Variants in MPI observed in about 807,000 individuals in gnomAD.
The protein encoded by MPI is mannose-6-phosphate isomerase.
MPI carries 33 observed loss-of-function variants against 40.1 expected under a neutral mutation model. The observed-to-expected ratio is 0.82, with a 90% CI of 0.62 to 1.10. MPI has a LOEUF of 1.10. Among genes scored for constraint, MPI ranks in the 50% least tolerant of loss-of-function variants. MPI has a pLI of 0.00. For synonymous variants in MPI, 187 were observed against 207.4 expected (o/e 0.90, Z 0.85); for missense variants, 514 against 524.1 (o/e 0.98, Z 0.19).
Position 74,898,357 on chromosome 15 carries a change from G to GA in MPI, c.*627_*628insA. 5.6e-6 allele frequency: 1 copy of GA among 177,420 alleles called. No individual in the cohort carries two copies. Among genetic ancestry groups the GA allele is most frequent in the Admixed American group, 5.4e-5 (1 of 18,638 alleles). The allele number at this position is 177,420 out of a possible 1,614,324, so 11.0% of individuals were successfully genotyped here. A position where few individuals can be genotyped will look rare whatever the true frequency, so the allele number is the denominator to read the frequency against. ...ATACAGCTTCTCGGGGGAGTGAGCA[G>GA]GCTACACTCCAGAACACCGGTATGG... On this transcript the variant is annotated 3_prime_UTR_variant, in exon 8 of 8. Coordinates refer to ENST00000352410, the MANE Select transcript of MPI (RefSeq NM_002435.3).
chr15:74,894,143 G>C (rs2064780884), intron 5 of MPI, among the ~76,000 whole-genome samples: 1 of 121,648 alleles, frequency 8.2e-6, no homozygotes. Flanking sequence ...GAGTGCAGTG[G>C]TGCGATCTTG....
chr15:74,894,903 G>T (rs968895284), intron 5 of MPI, among the ~76,000 whole-genome samples: 5 of 152,108 alleles, frequency 3.3e-5, no homozygotes, highest in African/African-American at 1.2e-4. Flanking sequence ...ACACATTTTG[G>T]CCCTCAGCGC....
rs929819260 is a variant in MPI at position 74,897,994 on chromosome 15, G to A, written c.*264G>A. On this transcript the variant is annotated 3_prime_UTR_variant, in exon 8 of 8. Coordinates refer to ENST00000352410, the MANE Select transcript of MPI (RefSeq NM_002435.3). The stretch of plus-strand genomic sequence containing the variant: ...CTACTCCTCGCTACACCTGAGCCAG[G>A]CTCTTGCCAACTCTGTTCCAGCCTA... 3 of 528,104 alleles carry A rather than the reference G, an allele frequency of 5.7e-6. No homozygotes were observed. Among genetic ancestry groups the A allele is most frequent in the Non-Finnish European group, 1.0e-5 (3 of 287,518 alleles). The allele number at this position is 528,104 out of a possible 1,614,324, so 32.7% of individuals were successfully genotyped here. A position where few individuals can be genotyped will look rare whatever the true frequency, so the allele number is the denominator to read the frequency against.
chr15:74,896,352 C>T, intron 6 of MPI, 27 bp downstream of exon 6: 1 of 1,613,444 alleles, frequency 6.2e-7, no homozygotes, highest in Non-Finnish European at 8.5e-7. Context: ...CAGTGAGCCC[C>T]ACTGCCATCC....
chr15:74,895,090 C>T (rs931822696), intron 5 of MPI, among the ~76,000 whole-genome samples: 6 of 149,592 alleles, frequency 4.0e-5, no homozygotes, highest in Admixed American at 1.3e-4. Context: ...CTCAGCCTCC[C>T]GAGTAGCTGG....
At chr15:74,890,440 A>C (rs910799976) in intron 1 of MPI, 87 bp from the exon 2 acceptor site, 8 of 1,574,112 alleles carry the variant, frequency 5.1e-6, no homozygotes, top group Non-Finnish European at 7.0e-6. Flanking sequence ...GTCCCCAGTG[A>C]GCACCCCCAG....
Position 74,896,287 on chromosome 15 carries a change from T to C in MPI, c.806T>C (p.Phe269Ser). Reference sequence around the variant, plus strand: ...ACCCTGAAGCCTGGGGAGGCCATGTTTCTGGAGGCCAACGTACCCCATGCC... The same window carrying C: ...ACCCTGAAGCCTGGGGAGGCCATGTCTCTGGAGGCCAACGTACCCCATGCC... ...LLTLKPGEAM[F>S]LEANVPHAYL... is the part of the protein sequence containing the mutation. The change falls in exon 6 of 8, where the codon TTT becomes TCT. Residue 269 changes from phenylalanine (F) to serine (S), a missense_variant. Coordinates refer to ENST00000352410, the MANE Select transcript of MPI (RefSeq NM_002435.3). 6.2e-7 allele frequency: 1 copy of C among 1,614,176 alleles called. No homozygotes were observed. The highest frequency in any genetic ancestry group is 8.5e-7 in the Non-Finnish European group (1 of 1,180,024).
At position 74,900,401 on chromosome 15, in the gene MPI, T is replaced by G. The variant is rs1231416708; in HGVS notation, c.*2671T>G. 1 of 152,264 alleles carries G rather than the reference T, an allele frequency of 6.6e-6. No individual in the cohort carries two copies. Among genetic ancestry groups the G allele is most frequent in the Non-Finnish European group, 1.5e-5 (1 of 68,108 alleles). The allele number at this position is 152,264 out of a possible 1,614,324, so 9.4% of individuals were successfully genotyped here. ...AACAACGATGCAGAGGGCCTTGGTT[T>G]TGGGGTCCTGCCACCCTCACCCCTA... On this transcript the variant is annotated 3_prime_UTR_variant, in exon 8 of 8. Coordinates refer to ENST00000352410, the MANE Select transcript of MPI (RefSeq NM_002435.3).
intron 3 of MPI, among the ~76,000 whole-genome samples, chr15:74,891,922 C>T (rs981830939): frequency 1.3e-5 from 2 of 152,102 alleles, no homozygotes; most frequent in African/African-American, 2.4e-5. Context: ...AGGGCAGGTA[C>T]CCTCAGCCCC....
chr15:74,896,790 C>T (rs768506773), intron 6 of MPI: 1 of 642,354 alleles, frequency 1.6e-6, no homozygotes, highest in African/African-American at 1.8e-5. Context: ...GTTGGGGCTC[C>T]CCAACCCCCA....
At chr15:74,890,809 A>G in intron 2 of MPI, 155 bp downstream of exon 2, 2 of 993,810 alleles carry the variant, frequency 2.0e-6, no homozygotes, top group South Asian at 2.7e-5. Flanking sequence ...TGTTATCAAA[A>G]AGAAGAGAGG....
chr15:74,891,604 G>A (rs1263343918), intron 3 of MPI, 25 bp downstream of exon 3: 4 of 1,611,228 alleles, frequency 2.5e-6, no homozygotes, highest in African/African-American at 1.3e-5. Flanking sequence ...GCGGTGCAGA[G>A]GTCAGGGTAC....
intron 7 of MPI, 80 bp downstream of exon 7, chr15:74,897,299 G>A: frequency 6.5e-7 from 1 of 1,546,154 alleles, no homozygotes; most frequent in Non-Finnish European, 8.9e-7. Context: ...GGACACCTGG[G>A]GCTGGGTTTC....
At chr15:74,895,905 T>C in intron 5 of MPI, 2 of 543,348 alleles carry the variant, frequency 3.7e-6, no homozygotes, top group Non-Finnish European at 3.3e-6. Flanking sequence ...CTAGCTCTTT[T>C]AGTGGCTAGT....
chr15:74,895,494 G>A (rs1179164846), intron 5 of MPI: 1 of 152,184 alleles, frequency 6.6e-6, no homozygotes, highest in Non-Finnish European at 1.5e-5. Context: ...TCAGGAGGCT[G>A]AGGTAGGAGG....
At position 74,891,387 on chromosome 15, in the gene MPI, G is replaced by A. The variant is rs752339342; in HGVS notation, c.153G>A (p.Met51Ile). ...GTTTCCTGTCTTTCCAGTTGTGGATGGGGACTCACCCCCGAGGGGATGCCA... is the reference window on the plus strand; with the variant it reads ...GTTTCCTGTCTTTCCAGTTGTGGATAGGGACTCACCCCCGAGGGGATGCCA... Reference protein sequence around the residue: ...AEDKPYAELWMGTHPRGDAKI... With the variant: ...AEDKPYAELWIGTHPRGDAKI... Residue 51 changes from methionine (M) to isoleucine (I), a missense_variant, in exon 3 of 8, where the codon ATG (methionine) becomes ATA (isoleucine). Physicochemically the swap from Met to Ile is conservative, Grantham distance 10. Transcript: ENST00000352410. 2 of 1,614,094 alleles carry A rather than the reference G, an allele frequency of 1.2e-6. No individual in the cohort carries two copies. The highest frequency in any genetic ancestry group is 1.1e-5 in the South Asian group (1 of 91,070).
intron 4 of MPI, 91 bp downstream of exon 4, chr15:74,892,893 C>T: frequency 6.3e-7 from 1 of 1,596,156 alleles, no homozygotes; most frequent in Non-Finnish European, 8.6e-7. Flanking sequence ...GAACGGGTCA[C>T]ATGTCACAGG....
intron 5 of MPI, among the ~76,000 whole-genome samples, chr15:74,894,440 A>G (rs571353058): frequency 7.2e-5 from 11 of 151,784 alleles, no homozygotes; most frequent in African/African-American, 2.4e-4. Flanking sequence ...CTGTAATCCT[A>G]ACACTTTGGG....
chr15:74,896,810 A>G (rs1397219933), intron 6 of MPI: 3 of 663,066 alleles, frequency 4.5e-6, no homozygotes, highest in African/African-American at 3.5e-5. Context: ...AGGGGTTAAC[A>G]TGACTCCCCT....
Sources: gnomAD v4.1 joint callset for allele counts (sites outside exome capture counted in the v4.1 genomes callset) on GRCh38, gnomAD v4.1.1 for gene constraint, MANE v1.5 for transcripts, NCBI Gene and HGNC (gene_info 2026-07-23, HGNC 2026-07-21) for gene names.